The following CNKSR3 variants were observed in gnomAD, a reference collection of about 807,000 sequenced individuals.
CNKSR3 encodes the protein CNKSR family member 3, also known as connector enhancer of kinase suppressor of ras 3.
CNKSR3 carries 36 observed loss-of-function variants against 67.7 expected under a neutral mutation model. The ratio of observed to expected loss-of-function variants is 0.53; its 90% CI spans 0.41 to 0.70. CNKSR3 has a LOEUF of 0.70. Ranked by LOEUF, CNKSR3 falls within the 30% of genes least tolerant of loss-of-function variation. CNKSR3 has a pLI of 0.00. For missense variants in CNKSR3, 630 were observed against 695.2 expected, an observed-to-expected ratio of 0.91 and a Z score of 1.05; for synonymous variants, 281 against 271.4, an observed-to-expected ratio of 1.04 and a Z score of -0.35.
chr6:154,412,634 C>T (rs990853253), intron 10 of CNKSR3, among the ~76,000 whole-genome samples: 14 of 152,172 alleles, frequency 9.2e-5, no homozygotes, highest in Admixed American at 5.2e-4. Flanking sequence ...GGTACATTCT[C>T]TACACGCTAT....
At chr6:154,508,025 G>A (rs961046986) in intron 1 of CNKSR3, among the ~76,000 whole-genome samples, 4 of 151,826 alleles carry the variant, frequency 2.6e-5, no homozygotes, top group Non-Finnish European at 5.9e-5. Flanking sequence ...TAATCTTCCT[G>A]TGCGCCTGTT....
In CNKSR3 at chr6:154,400,431, G is replaced by A. The variant is rs1784704646; in HGVS notation, c.*5923C>T. The A allele has an allele frequency of 6.6e-6, 1 of 152,216 alleles. No individual in the cohort carries two copies. The highest frequency in any genetic ancestry group is 1.5e-5 in the Non-Finnish European group (1 of 68,040). 9.4% of individuals were successfully genotyped at this position (152,216 alleles called of 1,614,324 possible). A position where few individuals can be genotyped will look rare whatever the true frequency, so the allele number is the denominator to read the frequency against. On this transcript the variant is annotated 3_prime_UTR_variant, in exon 13 of 13. Transcript: ENST00000607772. ...CCTATGGATGGCCAAGTCACAACCAGAATTGAGTCCTTAATCACTGACCCC... is the reference window on the plus strand; with the variant it reads ...CCTATGGATGGCCAAGTCACAACCAAAATTGAGTCCTTAATCACTGACCCC...
intron 1 of CNKSR3, among the ~76,000 whole-genome samples, chr6:154,467,294 G>A (rs1036800608): frequency 2.7e-4 from 41 of 152,172 alleles, no homozygotes; most frequent in Admixed American, 1.2e-3. Context: ...CTGCTTGGGC[G>A]TCCTAAAAGA....
chr6:154,450,256 A>G lies in CNKSR3; in HGVS notation c.55T>C (p.Leu19=), dbSNP rs1040418341. The G allele has an allele frequency of 6.2e-7, 1 of 1,613,250 alleles. No homozygotes were observed. The highest frequency in any genetic ancestry group is 8.5e-7 in the Non-Finnish European group (1 of 1,179,620). ...PKQVVDWTRG[L]DDCLQQYVHK... ...ACATATTGTTGCAGGCAGTCATCCA[A>G]CCCTGCCAAAAACAATCAGAAGTCC... The change falls in exon 2 of 13, where the codon TTG becomes CTG. Residue 19 remains leucine (L), a splice_region_variant and synonymous_variant. Transcript: ENST00000607772.
intron 6 of CNKSR3, among the ~76,000 whole-genome samples, chr6:154,430,097 T>C (rs1487860177): frequency 6.6e-6 from 1 of 152,242 alleles, no homozygotes; most frequent in African/African-American, 2.4e-5. Flanking sequence ...TAAGAATCAC[T>C]GCCTTCAGCC....
chr6:154,449,705 GA>G (rs1347962080), intron 2 of CNKSR3, among the ~76,000 whole-genome samples: 1 of 152,122 alleles, frequency 6.6e-6, no homozygotes, highest in Non-Finnish European at 1.5e-5. Flanking sequence ...GAGATTTTCT[GA>G]AAAAGACAAA....
At chr6:154,506,873 C>G (rs890828758) in intron 1 of CNKSR3, among the ~76,000 whole-genome samples, 5 of 152,246 alleles carry the variant, frequency 3.3e-5, no homozygotes, top group African/African-American at 1.2e-4. Context: ...GATGAGACTC[C>G]TCCGCTACCA....
intron 1 of CNKSR3, among the ~76,000 whole-genome samples, chr6:154,492,486 T>C (rs1336513006): frequency 1.3e-5 from 2 of 152,158 alleles, no homozygotes; most frequent in East Asian, 3.9e-4. Context: ...AAAAGCCAGA[T>C]CTTCCCAGCA....
chr6:154,498,158 A>G (rs1210848849), intron 1 of CNKSR3, among the ~76,000 whole-genome samples: 2 of 152,244 alleles, frequency 1.3e-5, no homozygotes, highest in African/African-American at 4.8e-5. Flanking sequence ...CAATTTTAGG[A>G]ATAACGGAAT....
At chr6:154,495,958 G>T (rs942764274) in intron 1 of CNKSR3, among the ~76,000 whole-genome samples, 5 of 151,972 alleles carry the variant, frequency 3.3e-5, no homozygotes, top group Non-Finnish European at 7.4e-5. Flanking sequence ...TCAAAGCTCT[G>T]TATTATATCT....
chr6:154,438,083 A>T (rs917917386), intron 4 of CNKSR3, among the ~76,000 whole-genome samples: 1 of 152,204 alleles, frequency 6.6e-6, no homozygotes, highest in Non-Finnish European at 1.5e-5. Context: ...GGCATGAGCC[A>T]CCGCACCTGG....
chr6:154,481,080 G>C (rs1393959214), intron 1 of CNKSR3, among the ~76,000 whole-genome samples: 3 of 150,740 alleles, frequency 2.0e-5, no homozygotes, highest in Non-Finnish European at 4.4e-5. Context: ...GCAGTCTTAT[G>C]CTTATTCGAT....
In CNKSR3 at chr6:154,435,264, G is replaced by C. The variant is rs139202462; in HGVS notation, c.508-1757C>G. ...CCTGCCTCAGCCTCCCAAAATGCTA[G>C]GGTTACAGGCATTGGTCACCACACC... is the stretch of plus-strand genomic sequence containing the variant. On this transcript the variant is annotated intron_variant, in intron 4 of 12. Transcript: ENST00000607772. Among the ~76,000 whole-genome samples, 285 of 152,160 alleles carry C rather than the reference G, an allele frequency of 1.9e-3. 1 individual carries two copies. Among genetic ancestry groups the C allele is most frequent in the Non-Finnish European group, 3.3e-3 (222 of 67,998 alleles).
chr6:154,503,994 TTA>T (rs1787047304), intron 1 of CNKSR3, among the ~76,000 whole-genome samples: 1 of 152,152 alleles, frequency 6.6e-6, no homozygotes, highest in Non-Finnish European at 1.5e-5. Context: ...CCAGGGGATC[TTA>T]TTAAAATGCA....
Position 154,398,208 on chromosome 6 carries a change from GATTCT to G in CNKSR3, c.*8141_*8145del, listed in dbSNP as rs1410021301. On this transcript the variant is annotated 3_prime_UTR_variant, in exon 13 of 13. Coordinates refer to ENST00000607772, the MANE Select transcript of CNKSR3 (RefSeq NM_173515.4). Reference sequence around the variant, plus strand: ...CGAGACTTACGGCCAATCTGAAATAGATTCTATTCATGAAAGTCCTTCCAGAAACA... The same window carrying G: ...CGAGACTTACGGCCAATCTGAAATAGATTCATGAAAGTCCTTCCAGAAACA... 1.3e-5 allele frequency: 2 copies of G among 152,228 alleles called. No homozygotes were observed. Among genetic ancestry groups the G allele is most frequent in the Non-Finnish European group, 2.9e-5 (2 of 68,042 alleles). The allele number at this position is 152,228 out of a possible 1,614,324, so 9.4% of individuals were successfully genotyped here.
chr6:154,390,022 T>G lies in CNKSR3; in HGVS notation c.*16332A>C, dbSNP rs1213043518. On this transcript the variant is annotated 3_prime_UTR_variant, in exon 13 of 13. Coordinates refer to ENST00000607772, the MANE Select transcript of CNKSR3 (RefSeq NM_173515.4). Reference sequence around the variant, plus strand: ...AGTTAAGTTAATCATAATCTTTGATTCATTATACATCATCATCAGTCCACA... The same window carrying G: ...AGTTAAGTTAATCATAATCTTTGATGCATTATACATCATCATCAGTCCACA... 6.6e-6 allele frequency: 1 copy of G among 152,258 alleles called. No individual in the cohort carries two copies. Among genetic ancestry groups the G allele is most frequent in the Non-Finnish European group, 1.5e-5 (1 of 68,050 alleles). 9.4% of individuals were successfully genotyped at this position (152,258 alleles called of 1,614,324 possible). A position where few individuals can be genotyped will look rare whatever the true frequency, so the allele number is the denominator to read the frequency against.
At chr6:154,485,546 T>G (rs971919855) in intron 1 of CNKSR3, among the ~76,000 whole-genome samples, 1 of 152,248 alleles carries the variant, frequency 6.6e-6, no homozygotes, top group Non-Finnish European at 1.5e-5. Flanking sequence ...ATTTAACACC[T>G]GCATTTCCCA....
At chr6:154,507,441 T>C (rs1192028554) in intron 1 of CNKSR3, among the ~76,000 whole-genome samples, 2 of 152,322 alleles carry the variant, frequency 1.3e-5, no homozygotes, top group East Asian at 3.9e-4. Context: ...TAGCATGTAT[T>C]TATAAAATAA....
chr6:154,426,372 T>TTATTTATC (rs1482823625), intron 7 of CNKSR3, among the ~76,000 whole-genome samples: 4 of 151,988 alleles, frequency 2.6e-5, no homozygotes, highest in African/African-American at 9.7e-5. Flanking sequence ...ATTTATTTAT[T>TTATTTATC]TATTTGAGAC....
Sources: allele counts gnomAD v4.1 joint callset (sites outside exome capture counted in the v4.1 genomes callset), GRCh38; gene constraint gnomAD v4.1.1; transcripts MANE v1.5; gene names NCBI Gene and HGNC (gene_info 2026-07-23, HGNC 2026-07-21).